The following MAML3 variants were observed in gnomAD, a reference collection of about 807,000 sequenced individuals.
MAML3 encodes mastermind like transcriptional coactivator 3, also known as mastermind-like protein 3.
In MAML3, 27 loss-of-function variants were observed where a neutral mutation model predicts 101.9. The ratio of observed to expected loss-of-function variants is 0.27; its 90% CI spans 0.20 to 0.37. MAML3 has a LOEUF of 0.37. MAML3 is among the 10% of genes least tolerant of loss of function. The pLI is 1.00. For missense variants in MAML3, 1,316 were observed against 1,444.9 expected (o/e 0.91, Z 1.45); for synonymous variants, 501 against 555.9 (o/e 0.90, Z 1.39).
intron 1 of MAML3, among the ~76,000 whole-genome samples, chr4:139,958,870 G>A (rs1230037324): frequency 6.6e-6 from 1 of 152,126 alleles, no homozygotes; most frequent in Non-Finnish European, 1.5e-5. Flanking sequence ...TAATTACTTC[G>A]TAGAGCTTGT....
chr4:139,882,969 A>T (rs141623416), intron 2 of MAML3, among the ~76,000 whole-genome samples: 1,870 of 152,374 alleles, frequency 0.012, 16 homozygotes, highest in Non-Finnish European at 0.02. Context: ...CCATAGGAAC[A>T]ATCTCCCATT....
At chr4:139,969,837 G>A (rs1437532517) in intron 1 of MAML3, among the ~76,000 whole-genome samples, 2 of 152,104 alleles carry the variant, frequency 1.3e-5, no homozygotes, top group Admixed American at 6.6e-5. Flanking sequence ...CGGCGATTCC[G>A]CACCACTGAC....
At chr4:139,902,363 C>T (rs1406155771) in intron 1 of MAML3, among the ~76,000 whole-genome samples, 2 of 152,194 alleles carry the variant, frequency 1.3e-5, no homozygotes, top group African/African-American at 4.8e-5. Context: ...CTCCATCCTC[C>T]ATTTCACAAC....
chr4:140,119,978 C>T (rs1015656618), intron 1 of MAML3, among the ~76,000 whole-genome samples: 2 of 152,098 alleles, frequency 1.3e-5, no homozygotes, highest in African/African-American at 2.4e-5. Context: ...TGGCTCACGC[C>T]TGTAATCCCA....
At chr4:139,753,871 G>A (rs1006317640) in intron 2 of MAML3, among the ~76,000 whole-genome samples, 10 of 152,130 alleles carry the variant, frequency 6.6e-5, no homozygotes, top group Non-Finnish European at 1.5e-4. Context: ...TACATCAGAA[G>A]GGAGACAAAT....
chr4:139,932,586 C>G (rs1380435036), intron 1 of MAML3, among the ~76,000 whole-genome samples: 1 of 152,172 alleles, frequency 6.6e-6, no homozygotes, highest in African/African-American at 2.4e-5. Flanking sequence ...TCATTTATCT[C>G]TATACTAATA....
At chr4:140,047,685 C>T (rs1727204346) in intron 1 of MAML3, among the ~76,000 whole-genome samples, 1 of 151,718 alleles carries the variant, frequency 6.6e-6, no homozygotes, top group Non-Finnish European at 1.5e-5. Context: ...TTTGCCCGCT[C>T]TTGGAGCTTG....
chr4:140,029,043 C>T (rs542422144), intron 1 of MAML3, among the ~76,000 whole-genome samples: 1 of 152,276 alleles, frequency 6.6e-6, no homozygotes, highest in South Asian at 2.1e-4. Context: ...GCACCTGCCC[C>T]AATTCTGCAA....
chr4:140,095,551 G>A (rs1208824572), intron 1 of MAML3, among the ~76,000 whole-genome samples: 1 of 152,082 alleles, frequency 6.6e-6, no homozygotes, highest in African/African-American at 2.4e-5. Context: ...AGAATCTAGA[G>A]ATAAGACCAC....
intron 2 of MAML3, among the ~76,000 whole-genome samples, chr4:139,732,501 C>T (rs764608242): frequency 5.4e-4 from 82 of 152,086 alleles, no homozygotes; most frequent in Non-Finnish European, 9.0e-4. Context: ...CCAAGAAGCT[C>T]TGGTTTGTTC....
chr4:139,958,748 G>A (rs577216397), intron 1 of MAML3, among the ~76,000 whole-genome samples: 8 of 152,256 alleles, frequency 5.3e-5, no homozygotes, highest in Admixed American at 2.0e-4. Flanking sequence ...CCCCCATTTT[G>A]TTTTAATGAG....
chr4:140,063,903 T>C (rs1459366167), intron 1 of MAML3, among the ~76,000 whole-genome samples: 1 of 152,190 alleles, frequency 6.6e-6, no homozygotes, highest in Non-Finnish European at 1.5e-5. Flanking sequence ...TCTAGAACAC[T>C]GAATATACAA....
At chr4:139,973,885 A>G (rs1734271822) in intron 1 of MAML3, among the ~76,000 whole-genome samples, 1 of 152,224 alleles carries the variant, frequency 6.6e-6, no homozygotes. Flanking sequence ...CCATTACATC[A>G]GAACAAAAAC....
intron 1 of MAML3, among the ~76,000 whole-genome samples, chr4:140,049,440 C>T (rs1727232446): frequency 1.3e-5 from 2 of 152,132 alleles, no homozygotes; most frequent in South Asian, 4.1e-4. Flanking sequence ...CAGGAAGCAA[C>T]GCCACCTGGC....
At chr4:139,743,636 G>A (rs1388439006) in intron 2 of MAML3, among the ~76,000 whole-genome samples, 1 of 152,200 alleles carries the variant, frequency 6.6e-6, no homozygotes, top group Non-Finnish European at 1.5e-5. Flanking sequence ...CTTGAAATCT[G>A]TCTCAGATCC....
intron 2 of MAML3, among the ~76,000 whole-genome samples, chr4:139,771,025 C>T (rs1729967681): frequency 6.6e-6 from 1 of 152,056 alleles, no homozygotes; most frequent in African/African-American, 2.4e-5. Context: ...ACCTCAAAGA[C>T]CCTCCATGAA....
chr4:139,924,518 G>T (rs1178518749), intron 1 of MAML3, among the ~76,000 whole-genome samples: 14 of 152,038 alleles, frequency 9.2e-5, no homozygotes, highest in Non-Finnish European at 1.8e-4. Context: ...ATGTTATCCT[G>T]GATCAAGAAA....
intron 2 of MAML3, among the ~76,000 whole-genome samples, chr4:139,791,435 G>A (rs973947425): frequency 6.9e-6 from 1 of 144,790 alleles, no homozygotes; most frequent in African/African-American, 2.5e-5. Context: ...GGAGGTGGAG[G>A]TTGCAGTGAG....
chr4:140,130,032 T>G (rs28370528), intron 1 of MAML3, among the ~76,000 whole-genome samples: 4,180 of 151,832 alleles, frequency 0.028, 162 homozygotes, highest in African/African-American at 0.093. Context: ...AATCCGCAAT[T>G]GTGGAAAACG....
Sources: gnomAD v4.1 joint callset for allele counts (sites outside exome capture counted in the v4.1 genomes callset) on GRCh38, gnomAD v4.1.1 for gene constraint, MANE v1.5 for transcripts, NCBI Gene and HGNC (gene_info 2026-07-23, HGNC 2026-07-21) for gene names.